The following RYR3 variants were observed in gnomAD, a reference collection of about 807,000 sequenced individuals.
RYR3 encodes ryanodine receptor 3.
Under a neutral mutation model 584.3 loss-of-function variants are expected in RYR3, and 207 were observed. The ratio of observed to expected loss-of-function variants is 0.35; its 90% confidence interval spans 0.32 to 0.40. The LOEUF is 0.40. RYR3 is among the 10% of genes least tolerant of loss of function. The pLI is 1.00. For synonymous variants in RYR3, 2,416 were observed against 2,248.5 expected (o/e 1.07, Z -2.11); for missense variants, 5,616 against 6,089.2 (o/e 0.92, Z 2.59).
chr15:33,724,134 G>C lies in RYR3; in HGVS notation c.6870G>C (p.Ser2290=), dbSNP rs1445366406. The part of the protein sequence containing the change: ...HMGNAIMSFY[S]ALIDLLGRCA... The stretch of plus-strand genomic sequence containing the variant: ...GCAATGCAATTATGTCATTTTATTC[G>C]GCCCTTATAGATCTACTGGGCCGCT... The change falls in exon 45 of 104, where the codon TCG becomes TCC. Residue 2290 remains serine (S), a synonymous_variant. Coordinates refer to ENST00000634891, the MANE Select transcript of RYR3 (RefSeq NM_001036.6). The C allele has an allele frequency of 6.2e-7, 1 of 1,612,490 alleles. No individual in the cohort carries two copies. The highest frequency in any genetic ancestry group is 1.7e-5 in the Admixed American group (1 of 59,958).
At chr15:33,547,538 C>T (rs1165468347) in intron 8 of RYR3, among the ~76,000 whole-genome samples, 1 of 152,124 alleles carries the variant, frequency 6.6e-6, no homozygotes, top group African/African-American at 2.4e-5. Context: ...GTTTGATAAA[C>T]CTAACATTTT....
At chr15:33,842,143 C>T in intron 91 of RYR3, 108 bp downstream of exon 91, 3 of 1,199,184 alleles carry the variant, frequency 2.5e-6, no homozygotes, top group South Asian at 1.5e-5. Flanking sequence ...CACTTCCTCC[C>T]CTTTCTCATT....
chr15:33,652,142 C>T (rs1348357836), intron 31 of RYR3, among the ~76,000 whole-genome samples: 1 of 152,130 alleles, frequency 6.6e-6, no homozygotes, highest in African/African-American at 2.4e-5. Context: ...GGAGGCAGAA[C>T]TCCAAGGCAT....
rs1971092081 is a variant in RYR3 at position 33,336,520 on chromosome 15, AGGAGGGAAGGAGGGAAGGAGGGAAGGAG to A, written c.51+25428_51+25455del. On this transcript the variant is annotated intron_variant, in intron 1 of 103. Coordinates refer to ENST00000634891, the MANE Select transcript of RYR3 (RefSeq NM_001036.6). ...AAAGAAAGAAGGAGGGAAGGAGGGA[AGGAGGGAAGGAGGGAAGGAGGGAAGGAG>A]GGAAGGAAGGAAGAAAAAAGCACCA... Among the ~76,000 whole-genome samples, 3 of 75,782 alleles carry A rather than the reference AGGAGGGAAGGAGGGAAGGAGGGAAGGAG, an allele frequency of 4.0e-5. 1 individual carries two copies. Among genetic ancestry groups the A allele is most frequent in the Non-Finnish European group, 7.7e-5 (3 of 39,128 alleles). 49.7% of individuals were successfully genotyped at this position (75,782 alleles called of 152,430 possible). A position where few individuals can be genotyped will look rare whatever the true frequency, so the allele number is the denominator to read the frequency against.
intron 1 of RYR3, among the ~76,000 whole-genome samples, chr15:33,319,250 A>G (rs750797576): frequency 2.6e-5 from 4 of 152,226 alleles, no homozygotes; most frequent in African/African-American, 4.8e-5. Context: ...TATACCATGG[A>G]CCAGATCCAG....
In RYR3 at chr15:33,474,345, T is replaced by G. The variant is rs565383591; in HGVS notation, c.171+807T>G. Among the ~76,000 whole-genome samples the G allele has an allele frequency of 9.8e-5, 15 of 152,310 alleles. No individual in the cohort carries two copies. In the South Asian group the frequency reaches 2.9e-3, roughly 29 times the overall value. On this transcript the variant is annotated intron_variant, in intron 2 of 103. Transcript: ENST00000634891. ...GAGATTTCTTTTAAGAAATTAGTTC[T>G]TGCAGTCGTAGGGGCTAGTGAGACT...
intron 18 of RYR3, among the ~76,000 whole-genome samples, chr15:33,612,299 C>T (rs1467719444): frequency 6.6e-6 from 1 of 152,172 alleles, no homozygotes; most frequent in East Asian, 1.9e-4. Context: ...ATGTGTTTTC[C>T]TGCTTATCCG....
intron 3 of RYR3, among the ~76,000 whole-genome samples, chr15:33,521,915 C>T (rs2054012669): frequency 6.6e-6 from 1 of 152,088 alleles, no homozygotes; most frequent in Admixed American, 6.6e-5. Context: ...GGAAGTAGTA[C>T]TTTCAGATGC....
Position 33,835,018 on chromosome 15 carries a change from C to T in RYR3, c.11514C>T (p.Asp3838=), listed in dbSNP as rs371008125. 21 of 1,613,854 alleles carry T rather than the reference C, an allele frequency of 1.3e-5. No individual in the cohort carries two copies. The highest frequency in any genetic ancestry group is 1.6e-4 in the Middle Eastern group (1 of 6,084). The change falls in exon 87 of 104, where the codon GAC becomes GAT. Residue 3838 remains aspartate, a synonymous_variant. Coordinates refer to ENST00000634891, the MANE Select transcript of RYR3 (RefSeq NM_001036.6). ...GCCTGGCTCACAGCAGGCTGTGGGA[C>T]GCAGTGGTTGGCTTCCTCCATGTCT... ...QQSLAHSRLW[D]AVVGFLHVFA...
At chr15:33,625,170 G>T (rs964130977) in intron 20 of RYR3, among the ~76,000 whole-genome samples, 21 of 152,184 alleles carry the variant, frequency 1.4e-4, no homozygotes, top group Non-Finnish European at 7.3e-5. Context: ...AGGAGAGAGA[G>T]AGCGAATGGG....
chr15:33,537,087 C>T (rs1387981097), intron 5 of RYR3, among the ~76,000 whole-genome samples: 1 of 152,204 alleles, frequency 6.6e-6, no homozygotes, highest in African/African-American at 2.4e-5. Flanking sequence ...AAATGAGCCA[C>T]ATAATATATT....
chr15:33,637,605 GA>G (rs1490317925), intron 27 of RYR3, among the ~76,000 whole-genome samples: 1 of 152,180 alleles, frequency 6.6e-6, no homozygotes, highest in African/African-American at 2.4e-5. Flanking sequence ...AGACTTTACA[GA>G]AAGAAACATT....
At chr15:33,554,099 A>G (rs1310134466) in intron 10 of RYR3, among the ~76,000 whole-genome samples, 1 of 152,124 alleles carries the variant, frequency 6.6e-6, no homozygotes, top group African/African-American at 2.4e-5. Context: ...AAACCTGCTC[A>G]TGCATTATTA....
chr15:33,396,421 G>T (rs1288214916), intron 1 of RYR3, among the ~76,000 whole-genome samples: 3 of 152,162 alleles, frequency 2.0e-5, no homozygotes, highest in African/African-American at 7.2e-5. Flanking sequence ...GCCTCTGCCT[G>T]CCCACCCGAG....
Position 33,722,746 on chromosome 15 carries a change from G to A in RYR3, c.6651G>A (p.Val2217=), listed in dbSNP as rs1314383280. The change falls in exon 44 of 104, where the codon GTG becomes GTA. Residue 2217 remains valine (V), a synonymous_variant. Coordinates refer to ENST00000634891, the MANE Select transcript of RYR3 (RefSeq NM_001036.6). ...GTGTGGAAGAAAACGCCAGCGTTGT[G>A]GTCAAGCTGCTCATCAGACGCCCAG... ...SESVEENASV[V]VKLLIRRPEC... 6.2e-7 allele frequency: 1 copy of A among 1,612,602 alleles called. No individual in the cohort carries two copies. Among genetic ancestry groups the A allele is most frequent in the Non-Finnish European group, 8.5e-7 (1 of 1,179,508 alleles).
chr15:33,850,856 G>GC (rs1165453325), intron 94 of RYR3: 3 of 152,056 alleles, frequency 2.0e-5, no homozygotes, highest in African/African-American at 7.3e-5. Flanking sequence ...TTAGTGGTTA[G>GC]TAATATTAAT....
intron 20 of RYR3, among the ~76,000 whole-genome samples, chr15:33,625,360 A>G (rs1469064565): frequency 6.6e-6 from 1 of 152,336 alleles, no homozygotes; most frequent in East Asian, 1.9e-4. Context: ...CACTTTTGAT[A>G]TCATTTCAGT....
At chr15:33,820,664 G>A (rs1036006) in intron 77 of RYR3, 92 bp from the exon 78 acceptor site, 765,401 of 1,164,796 alleles carry the variant, frequency 0.66, 253,985 homozygotes, top group African/African-American at 0.81. Context: ...TGTGAATTAC[G>A]TCCTGTCCCC....
intron 1 of RYR3, among the ~76,000 whole-genome samples, chr15:33,339,059 G>A (rs1971485280): frequency 6.6e-6 from 1 of 152,184 alleles, no homozygotes; most frequent in South Asian, 2.1e-4. Context: ...TTCTTATATC[G>A]GTGGTTGGAA....
Sources: allele counts gnomAD v4.1 joint callset (sites outside exome capture counted in the v4.1 genomes callset), GRCh38; gene constraint gnomAD v4.1.1; transcripts MANE v1.5; gene names NCBI Gene and HGNC (gene_info 2026-07-23, HGNC 2026-07-21).